Variants in DRC8 observed in about 807,000 individuals in gnomAD.
The protein encoded by DRC8 is dynein regulatory complex subunit 8.
the DRC8 span, among the ~76,000 whole-genome samples, chr1:245,081,389 C>T: frequency 1.3e-5 from 2 of 152,128 alleles, no homozygotes; most frequent in African/African-American, 4.8e-5. Context: ...TCTCCATCTG[C>T]TGACCTCGTG....
the DRC8 span, among the ~76,000 whole-genome samples, chr1:245,110,474 A>G: frequency 6.6e-6 from 1 of 152,264 alleles, no homozygotes; most frequent in African/African-American, 2.4e-5. Flanking sequence ...CAAATACTGA[A>G]GAATGAGACT....
At chr1:245,109,061 T>A in the DRC8 span, among the ~76,000 whole-genome samples, 1 of 152,126 alleles carries the variant, frequency 6.6e-6, no homozygotes, top group Non-Finnish European at 1.5e-5. Context: ...AAGGGTGTGT[T>A]GTCGAGCCAG....
chr1:245,038,822 C>T, the DRC8 span, among the ~76,000 whole-genome samples: 2 of 151,072 alleles, frequency 1.3e-5, no homozygotes, highest in African/African-American at 2.4e-5. Context: ...AAAAATAACT[C>T]AAAACAAAAG....
At chr1:245,096,943 A>C in the DRC8 span, among the ~76,000 whole-genome samples, 6 of 152,356 alleles carry the variant, frequency 3.9e-5, no homozygotes, top group East Asian at 1.2e-3. Context: ...TACTCTGAGC[A>C]TGATGGGCTG....
the DRC8 span, chr1:245,087,393 A>G: frequency 1.3e-6 from 2 of 1,558,216 alleles, no homozygotes; most frequent in Non-Finnish European, 1.7e-6. Flanking sequence ...TTGAAAGAAC[A>G]ATTTTAGAAA....
the DRC8 span, among the ~76,000 whole-genome samples, chr1:245,098,242 G>C: frequency 6.6e-6 from 1 of 152,164 alleles, no homozygotes; most frequent in Non-Finnish European, 1.5e-5. Context: ...AGTGTGGTTT[G>C]AGACGTGTTC....
the DRC8 span, among the ~76,000 whole-genome samples, chr1:245,076,551 C>A: frequency 6.6e-6 from 1 of 152,162 alleles, no homozygotes; most frequent in African/African-American, 2.4e-5. Flanking sequence ...TTTCCCAACA[C>A]GACTTTGCTT....
the DRC8 span, among the ~76,000 whole-genome samples, chr1:244,987,658 A>G: frequency 4.5e-3 from 663 of 148,454 alleles, 6 homozygotes; most frequent in Non-Finnish European, 5.4e-3. Flanking sequence ...TTTTTTTGAC[A>G]GCATATGTCT....
At chr1:245,054,345 C>A in the DRC8 span, among the ~76,000 whole-genome samples, 2 of 152,038 alleles carry the variant, frequency 1.3e-5, no homozygotes, top group African/African-American at 4.8e-5. Context: ...TGTCACCATG[C>A]CTGACTTCTC....
the DRC8 span, among the ~76,000 whole-genome samples, chr1:245,075,970 T>A: frequency 7.2e-5 from 11 of 152,184 alleles, no homozygotes; most frequent in Non-Finnish European, 1.5e-5. Flanking sequence ...CTAACCCACA[T>A]AGCCTGCCCT....
At chr1:245,112,775 A>G in the DRC8 span, among the ~76,000 whole-genome samples, 1 of 144,838 alleles carries the variant, frequency 6.9e-6, no homozygotes, top group African/African-American at 2.6e-5. Flanking sequence ...TTTTTTTGAG[A>G]TGGAGTCTCT....
chr1:245,087,213 A>G, the DRC8 span: 1 of 1,598,530 alleles, frequency 6.3e-7, no homozygotes, highest in Non-Finnish European at 8.5e-7. Context: ...AGATGATCCT[A>G]AATGATAAAT....
the DRC8 span, among the ~76,000 whole-genome samples, chr1:244,989,179 T>C: frequency 6.6e-6 from 1 of 152,204 alleles, no homozygotes; most frequent in Non-Finnish European, 1.5e-5. Context: ...TTCTCCCACC[T>C]TGGCCTCCCG....
chr1:245,056,900 G>A, the DRC8 span, among the ~76,000 whole-genome samples: 2 of 125,072 alleles, frequency 1.6e-5, no homozygotes, highest in Admixed American at 1.1e-4. Context: ...TTGTGCCACT[G>A]CACTCCAGCC....
the DRC8 span, among the ~76,000 whole-genome samples, chr1:244,976,510 T>G: frequency 1.3e-5 from 2 of 152,206 alleles, no homozygotes; most frequent in Non-Finnish European, 2.9e-5. Flanking sequence ...CTGAAATTTG[T>G]TTTTGCTCTG....
chr1:245,047,493 G>C, the DRC8 span, among the ~76,000 whole-genome samples: 7 of 151,946 alleles, frequency 4.6e-5, no homozygotes, highest in Non-Finnish European at 1.0e-4. Flanking sequence ...AACTTAGCCA[G>C]GCGTGGTGGC....
chr1:245,029,334 G>C, the DRC8 span, among the ~76,000 whole-genome samples: 1 of 152,202 alleles, frequency 6.6e-6, no homozygotes. Flanking sequence ...GCCTCACTCT[G>C]TCACCCAGGC....
At chr1:245,013,353 A>G in the DRC8 span, among the ~76,000 whole-genome samples, 2 of 152,348 alleles carry the variant, frequency 1.3e-5, no homozygotes, top group South Asian at 4.1e-4. Flanking sequence ...TACTTTTAAA[A>G]TGACCTTAAA....
chr1:245,103,706 G>C, the DRC8 span, among the ~76,000 whole-genome samples: 2 of 152,160 alleles, frequency 1.3e-5, no homozygotes, highest in African/African-American at 4.8e-5. Context: ...GATCAGAGGT[G>C]GTCCTCTGTG....
Sources: gnomAD v4.1 joint callset for allele counts (sites outside exome capture counted in the v4.1 genomes callset) on GRCh38, gnomAD v4.1.1 for gene constraint, MANE v1.5 for transcripts, NCBI Gene and HGNC (gene_info 2026-07-23, HGNC 2026-07-21) for gene names.